The following KMT2C variants were observed in gnomAD, a reference collection of about 807,000 sequenced individuals.
KMT2C encodes the protein histone-lysine N-methyltransferase 2C.
In KMT2C, 88 loss-of-function variants were observed where a neutral mutation model predicts 507.9. The ratio of observed to expected loss-of-function variants is 0.17; its 90% CI spans 0.15 to 0.21. KMT2C has a LOEUF of 0.21. Among genes scored for constraint, KMT2C ranks in the 10% least tolerant of loss-of-function variants. The pLI is 1.00. For missense variants in KMT2C, 4,954 were observed against 5,957.8 expected, an observed-to-expected ratio of 0.83 and a Z score of 5.55; for synonymous variants, 2,049 against 2,080.8, an observed-to-expected ratio of 0.98 and a Z score of 0.42.
At chr7:152,316,791 G>A (rs1422503223) in intron 3 of KMT2C, among the ~76,000 whole-genome samples, 1 of 149,796 alleles carries the variant, frequency 6.7e-6, no homozygotes, top group African/African-American at 2.5e-5. Flanking sequence ...GTTGTCTGCT[G>A]GTACCGAGAC....
chr7:152,365,467 C>T (rs1409523981), intron 1 of KMT2C, among the ~76,000 whole-genome samples: 1 of 152,224 alleles, frequency 6.6e-6, no homozygotes, highest in East Asian at 1.9e-4. Flanking sequence ...AATCGCACCG[C>T]TGCACTCCAG....
intron 8 of KMT2C, among the ~76,000 whole-genome samples, chr7:152,264,347 T>C (rs1385340568): frequency 6.6e-6 from 1 of 152,092 alleles, no homozygotes; most frequent in Non-Finnish European, 1.5e-5. Flanking sequence ...ATCCCCAAAT[T>C]ATCATGCTCA....
chr7:152,169,779 G>A (rs978217840), intron 40 of KMT2C, among the ~76,000 whole-genome samples: 22 of 152,170 alleles, frequency 1.4e-4, no homozygotes, highest in African/African-American at 5.1e-4. Context: ...GGAGGCTGAG[G>A]TGGTAGGATC....
Position 152,148,769 on chromosome 7 carries a change from C to T in KMT2C, c.13158G>A (p.Leu4386=), listed in dbSNP as rs762380795. Residue 4386 remains leucine, a synonymous_variant, in exon 52 of 59, where the codon TTG becomes TTA. Transcript: ENST00000262189. The surrounding 1 kb of genome is among the most constrained non-coding windows in gnomAD (Gnocchi z 7.1). ...CAGGATCAGGTTTAAGGGAAGTGCC[C>T]AATTTCTTTAGAAATTCATCTATTT... is the stretch of plus-strand genomic sequence containing the variant. ...EDEIDEFLKK[L]GTSLKPDPVP... 1.2e-6 allele frequency: 2 copies of T among 1,614,206 alleles called. No homozygotes were observed. Among genetic ancestry groups the T allele is most frequent in the Non-Finnish European group, 1.7e-6 (2 of 1,180,036 alleles).
At chr7:152,286,554 C>T (rs1363656434) in intron 6 of KMT2C, among the ~76,000 whole-genome samples, 3 of 152,244 alleles carry the variant, frequency 2.0e-5, no homozygotes, top group African/African-American at 7.2e-5. Flanking sequence ...CATAATCATC[C>T]CAGAACTCTG....
chr7:152,286,172 A>G (rs2096293616), intron 6 of KMT2C, among the ~76,000 whole-genome samples: 3 of 152,426 alleles, frequency 2.0e-5, no homozygotes, highest in African/African-American at 4.8e-5. Context: ...AGTAATCTAC[A>G]AAATATCAAA....
chr7:152,417,681 G>A (rs779435347), intron 1 of KMT2C, among the ~76,000 whole-genome samples: 2 of 151,838 alleles, frequency 1.3e-5, no homozygotes, highest in Non-Finnish European at 2.9e-5. Flanking sequence ...TTGCTCTGTC[G>A]CCCAGGCTGG....
intron 1 of KMT2C, among the ~76,000 whole-genome samples, chr7:152,387,795 A>G (rs2097445561): frequency 1.3e-5 from 2 of 152,082 alleles, no homozygotes; most frequent in African/African-American, 4.8e-5. Context: ...TTCAAAGAAT[A>G]TATATGCCTA....
chr7:152,423,200 C>A (rs929323014), intron 1 of KMT2C, among the ~76,000 whole-genome samples: 7 of 151,914 alleles, frequency 4.6e-5, no homozygotes, highest in African/African-American at 1.7e-4. Flanking sequence ...ATTAGCCAGG[C>A]TTGGTGGTGC....
intron 14 of KMT2C, among the ~76,000 whole-genome samples, chr7:152,241,217 T>G (rs1476648366): frequency 6.6e-6 from 1 of 152,180 alleles, no homozygotes; most frequent in Non-Finnish European, 1.5e-5. Context: ...TCTTTCTTTT[T>G]GAGATGGAGT....
chr7:152,434,881 A>G (rs1371218395), intron 1 of KMT2C, among the ~76,000 whole-genome samples: 2 of 152,108 alleles, frequency 1.3e-5, no homozygotes, highest in South Asian at 2.1e-4. Context: ...CTCTCTCCGA[A>G]TAAGTGCTCT....
At chr7:152,318,092 C>A (rs967567904) in intron 3 of KMT2C, among the ~76,000 whole-genome samples, 17 of 151,900 alleles carry the variant, frequency 1.1e-4, no homozygotes, top group African/African-American at 4.1e-4. Flanking sequence ...GAACTGAGAT[C>A]GTGCCACTGC....
chr7:152,415,714 A>T (rs1248653919), intron 1 of KMT2C, among the ~76,000 whole-genome samples: 1 of 151,922 alleles, frequency 6.6e-6, no homozygotes, highest in Non-Finnish European at 1.5e-5. Context: ...ACCCATTTCT[A>T]CTAAAAATAC....
Position 152,144,612 on chromosome 7 carries a change from G to A in KMT2C, c.14343+101C>T. 2 of 1,153,630 alleles carry A rather than the reference G, an allele frequency of 1.7e-6. No homozygotes were observed. The highest frequency in any genetic ancestry group is 2.5e-6 in the Non-Finnish European group (2 of 794,790). The allele number at this position is 1,153,630 out of a possible 1,614,324, so 71.5% of individuals were successfully genotyped here. A position where few individuals can be genotyped will look rare whatever the true frequency, so the allele number is the denominator to read the frequency against. On this transcript the variant is annotated intron_variant, in intron 55 of 58. Transcript: ENST00000262189. The surrounding 1 kb of genome is among the most constrained non-coding windows in gnomAD (Gnocchi z 4.4). ...ATTTTGAAAACACGTTTCTGTCCCT[G>A]CAGCTATGTGAAATCATTTTCACAT...
intron 1 of KMT2C, among the ~76,000 whole-genome samples, chr7:152,409,456 G>A (rs557864198): frequency 2.5e-4 from 38 of 151,952 alleles, no homozygotes; most frequent in African/African-American, 6.8e-4. Context: ...AGTGGCTCAC[G>A]CCTGTAATCC....
chr7:152,432,551 T>C (rs2097872656), intron 1 of KMT2C, among the ~76,000 whole-genome samples: 1 of 152,190 alleles, frequency 6.6e-6, no homozygotes, highest in Admixed American at 6.6e-5. Context: ...CACTTGACAT[T>C]TGTACAATAG....
chr7:152,223,378 A>C (rs1196063638), intron 20 of KMT2C, among the ~76,000 whole-genome samples: 1 of 152,126 alleles, frequency 6.6e-6, no homozygotes, highest in Non-Finnish European at 1.5e-5. Context: ...AATGTGTTAG[A>C]TATTTTTTAT....
chr7:152,357,898 AGAT>A (rs2097165353), intron 2 of KMT2C, among the ~76,000 whole-genome samples: 1 of 152,236 alleles, frequency 6.6e-6, no homozygotes. Flanking sequence ...GTAAGCATCA[AGAT>A]GATATTCAAC....
chr7:152,348,544 A>G (rs1470435744), intron 2 of KMT2C, among the ~76,000 whole-genome samples: 1 of 142,710 alleles, frequency 7.0e-6, no homozygotes, highest in Non-Finnish European at 1.5e-5. Flanking sequence ...GGCTGCAGTG[A>G]GCCGAGATTG....
Sources: gnomAD v4.1 joint callset for allele counts (sites outside exome capture counted in the v4.1 genomes callset) on GRCh38, gnomAD v4.1.1 for gene constraint, Gnocchi (gnomAD v3.1) non-coding constraint, MANE v1.5 for transcripts, NCBI Gene and HGNC (gene_info 2026-07-23, HGNC 2026-07-21) for gene names.